The following FGD4 variants were observed in gnomAD, a reference collection of about 807,000 sequenced individuals.
FGD4 encodes the protein FYVE, RhoGEF and PH domain-containing protein 4.
In FGD4, 42 loss-of-function variants were observed where a neutral mutation model predicts 102.0. That is an observed-to-expected ratio of 0.41 (90% CI 0.32 to 0.53). FGD4 has a LOEUF of 0.53. Ranked by LOEUF, FGD4 falls within the 20% of genes least tolerant of loss-of-function variation. The pLI, the probability that FGD4 is intolerant of heterozygous loss-of-function variation, is 0.21. For synonymous variants in FGD4, 380 were observed against 375.7 expected (o/e 1.01, Z -0.13); for missense variants, 902 against 1,078.2 (o/e 0.84, Z 2.29).
chr12:32,596,080 T>TG (rs1947867975), intron 4 of FGD4, among the ~76,000 whole-genome samples: 1 of 152,228 alleles, frequency 6.6e-6, no homozygotes, highest in Admixed American at 6.5e-5. Context: ...AAAATATACT[T>TG]TGGTCTACTT....
chr12:32,591,143 A>G (rs1463062411), intron 4 of FGD4, among the ~76,000 whole-genome samples: 1 of 152,206 alleles, frequency 6.6e-6, no homozygotes, highest in Non-Finnish European at 1.5e-5. Context: ...ATGTACCTGT[A>G]CAAAGGGTAC....
rs763372979 is a variant in FGD4 at position 32,624,632 on chromosome 12, G to A, written c.1953+180G>A. ...ACTATAGGCGTGCACCACCATGTCT[G>A]GTTAATTTTTTTTTTGTATTTCGTA... On this transcript the variant is annotated intron_variant, in intron 12 of 16. Transcript: ENST00000534526. 9 of 695,592 alleles carry A rather than the reference G, an allele frequency of 1.3e-5. No individual in the cohort carries two copies. The South Asian group carries it at 1.4e-4, about 11-fold the overall frequency. The allele number at this position is 695,592 out of a possible 1,614,324, so 43.1% of individuals were successfully genotyped here. A position where few individuals can be genotyped will look rare whatever the true frequency, so the allele number is the denominator to read the frequency against.
chr12:32,431,647 A>G (rs765635977), intron 1 of FGD4, among the ~76,000 whole-genome samples: 1 of 151,804 alleles, frequency 6.6e-6, no homozygotes, highest in South Asian at 2.1e-4. Flanking sequence ...AGTGGCTCAC[A>G]CCTGTAATCC....
At chr12:32,462,646 A>G in intron 1 of FGD4, among the ~76,000 whole-genome samples, 1 of 152,176 alleles carries the variant, frequency 6.6e-6, no homozygotes, top group East Asian at 1.9e-4. Flanking sequence ...AGATAAGAAG[A>G]CATTTTCTTT....
intron 1 of FGD4, among the ~76,000 whole-genome samples, chr12:32,513,984 A>G (rs961293983): frequency 3.3e-5 from 5 of 152,238 alleles, no homozygotes; most frequent in African/African-American, 2.4e-5. Flanking sequence ...ATGAAAAAGT[A>G]AAGTGTAACA....
chr12:32,528,321 G>A (rs939265139), intron 1 of FGD4, among the ~76,000 whole-genome samples: 1 of 152,154 alleles, frequency 6.6e-6, no homozygotes, highest in Non-Finnish European at 1.5e-5. Context: ...CCCTCATATC[G>A]AAATCTGCTT....
chr12:32,547,468 C>T (rs12319134), intron 1 of FGD4, among the ~76,000 whole-genome samples: 10,704 of 152,216 alleles, frequency 0.07, 420 homozygotes, highest in South Asian at 0.14. Flanking sequence ...CCCAGCCTAA[C>T]CACTTACCAC....
chr12:32,508,723 T>C (rs141207063), intron 1 of FGD4, among the ~76,000 whole-genome samples: 194 of 152,348 alleles, frequency 1.3e-3, no homozygotes, highest in African/African-American at 4.3e-3. Context: ...CTATATGAAA[T>C]AGAGTCCTAG....
At chr12:32,597,334 T>C (rs1323982979) in intron 4 of FGD4, among the ~76,000 whole-genome samples, 2 of 152,142 alleles carry the variant, frequency 1.3e-5, no homozygotes, top group African/African-American at 2.4e-5. Context: ...GCTAAAGACA[T>C]AGTATCATAA....
chr12:32,562,869 C>G (rs1265252448), intron 1 of FGD4, among the ~76,000 whole-genome samples: 1 of 152,144 alleles, frequency 6.6e-6, no homozygotes, highest in Non-Finnish European at 1.5e-5. Flanking sequence ...CACCTTTCCC[C>G]CCTTTCTATT....
intron 15 of FGD4, among the ~76,000 whole-genome samples, chr12:32,635,971 C>T (rs1194501506): frequency 2.0e-5 from 3 of 151,474 alleles, no homozygotes; most frequent in African/African-American, 7.3e-5. Flanking sequence ...GAGATCGTGC[C>T]ATTGTACTCC....
chr12:32,524,121 G>A (rs2136762671), intron 1 of FGD4, among the ~76,000 whole-genome samples: 1 of 151,930 alleles, frequency 6.6e-6, no homozygotes, highest in Non-Finnish European at 1.5e-5. Context: ...AATTGGCCGG[G>A]TGCGGTGGCT....
chr12:32,623,739 CAAGA>C (rs1288969731), intron 11 of FGD4, among the ~76,000 whole-genome samples: 2 of 152,126 alleles, frequency 1.3e-5, no homozygotes, highest in Non-Finnish European at 2.9e-5. Flanking sequence ...AACCTACCTG[CAAGA>C]AAGAGGAAAT....
chr12:32,595,029 TAA>T (rs58538152), intron 4 of FGD4, among the ~76,000 whole-genome samples: 14,696 of 133,350 alleles, frequency 0.11, 2,465 homozygotes, highest in African/African-American at 0.37. Context: ...AGACTCCGTC[TAA>T]AAAAAAAAAA....
chr12:32,532,127 A>G lies in FGD4; in HGVS notation c.167-32010A>G, dbSNP rs537475841. On this transcript the variant is annotated intron_variant, in intron 1 of 16. Transcript: ENST00000534526. Reference sequence around the variant, plus strand: ...ATATATACTATGTTTTCTCCTTTACATCCATAGCTATGATAAAGTTTAATT... The same window carrying G: ...ATATATACTATGTTTTCTCCTTTACGTCCATAGCTATGATAAAGTTTAATT... Among the ~76,000 whole-genome samples, 46 of 152,300 alleles carry G rather than the reference A, an allele frequency of 3.0e-4. No homozygotes were observed. The South Asian group carries it at 9.3e-3, about 31-fold the overall frequency.
At chr12:32,512,855 A>G (rs1219139105) in intron 1 of FGD4, among the ~76,000 whole-genome samples, 2 of 152,162 alleles carry the variant, frequency 1.3e-5, no homozygotes, top group Non-Finnish European at 2.9e-5. Context: ...AAGGCTTTTT[A>G]TTGTTTGTAA....
In FGD4 at chr12:32,643,082, A is replaced by G. The variant is rs1951241552; in HGVS notation, c.*2549A>G. The stretch of plus-strand genomic sequence containing the variant: ...TTTCTTTAAAGTGCCCTTCCTCCAA[A>G]CTTTAAAAAGTACTTCCTTGACAAA... On this transcript the variant is annotated 3_prime_UTR_variant, in exon 17 of 17. Transcript: ENST00000534526. The G allele has an allele frequency of 6.6e-6, 1 of 152,512 alleles. No individual in the cohort carries two copies. The highest frequency in any genetic ancestry group is 6.5e-5 in the Admixed American group (1 of 15,272). The allele number at this position is 152,512 out of a possible 1,614,324, so 9.4% of individuals were successfully genotyped here. A position where few individuals can be genotyped will look rare whatever the true frequency, so the allele number is the denominator to read the frequency against.
intron 4 of FGD4, among the ~76,000 whole-genome samples, chr12:32,585,980 T>TA (rs1348661831): frequency 4.0e-5 from 6 of 151,580 alleles, no homozygotes; most frequent in African/African-American, 1.5e-4. Flanking sequence ...AGATCAAAGA[T>TA]ACGCTGGGAT....
intron 1 of FGD4, among the ~76,000 whole-genome samples, chr12:32,488,716 G>A (rs952588778): frequency 2.0e-5 from 3 of 152,124 alleles, no homozygotes; most frequent in Non-Finnish European, 4.4e-5. Context: ...CAAGGTGGGC[G>A]GATCATGAGG....
Sources: gnomAD v4.1 joint callset for allele counts (sites outside exome capture counted in the v4.1 genomes callset) on GRCh38, gnomAD v4.1.1 for gene constraint, MANE v1.5 for transcripts, NCBI Gene and HGNC (gene_info 2026-07-23, HGNC 2026-07-21) for gene names.